The following LSM14A variants were observed in gnomAD, a reference collection of about 807,000 sequenced individuals.
LSM14A encodes the protein protein LSM14 homolog A.
LSM14A carries 14 observed loss-of-function variants against 52.4 expected under a neutral mutation model. The ratio of observed to expected loss-of-function variants is 0.27; its 90% CI spans 0.18 to 0.42. The LOEUF is 0.42. LSM14A is among the 10% of genes least tolerant of loss of function. The pLI is 1.00. For missense variants in LSM14A, 417 were observed against 581.8 expected, an observed-to-expected ratio of 0.72 and a Z score of 2.91; for synonymous variants, 185 against 200.3, an observed-to-expected ratio of 0.92 and a Z score of 0.64.
At chr19:34,173,709 T>C (rs1368050496) in intron 1 of LSM14A, among the ~76,000 whole-genome samples, 1 of 152,158 alleles carries the variant, frequency 6.6e-6, no homozygotes, top group East Asian at 1.9e-4. Context: ...CTCACAACAG[T>C]GTAAAATACT....
Position 34,208,968 on chromosome 19 carries a change from A to G in LSM14A, c.455A>G (p.Asn152Ser), listed in dbSNP as rs2071920473. The stretch of plus-strand genomic sequence containing the variant: ...ACATCCTTTGGAACAGAAACATCAA[A>G]CAGTGGTACCTTACCCCAAAGTAGT... ...SLTSFGTETS[N>S]SGTLPQSSAV... The change falls in exon 4 of 10, where the codon AAC becomes AGC. Residue 152 changes from asparagine to serine, a missense_variant. Physicochemically the swap from Asn to Ser is conservative, Grantham distance 46 (BLOSUM62 1). Coordinates refer to ENST00000544216, the MANE Select transcript of LSM14A (RefSeq NM_015578.4). 4.3e-6 allele frequency: 7 copies of G among 1,610,122 alleles called. No individual in the cohort carries two copies. The highest frequency in any genetic ancestry group is 5.9e-6 in the Non-Finnish European group (7 of 1,177,728).
At chr19:34,223,194 CCTCAGCCTCCTAT>C (rs1568503833) in intron 9 of LSM14A, among the ~76,000 whole-genome samples, 1 of 152,066 alleles carries the variant, frequency 6.6e-6, no homozygotes. Flanking sequence ...AGTCCTCCCA[CCTCAGCCTCCTAT>C]GTAGCTGGGA....
intron 1 of LSM14A, among the ~76,000 whole-genome samples, chr19:34,186,384 T>C (rs1418565071): frequency 6.6e-6 from 1 of 152,218 alleles, no homozygotes; most frequent in Non-Finnish European, 1.5e-5. Flanking sequence ...AGTTGGTAGA[T>C]TGTGAGTAGC....
intron 6 of LSM14A, among the ~76,000 whole-genome samples, chr19:34,217,723 G>A (rs1231392822): frequency 7.0e-5 from 10 of 141,912 alleles, no homozygotes; most frequent in Non-Finnish European, 1.2e-4. Flanking sequence ...TCCACCGCCC[G>A]GGTTCATGCC....
chr19:34,211,618 C>G (rs905467773), intron 4 of LSM14A, among the ~76,000 whole-genome samples: 3 of 152,116 alleles, frequency 2.0e-5, no homozygotes, highest in African/African-American at 7.2e-5. Flanking sequence ...GAAACTTCAT[C>G]TCTACCAAAA....
chr19:34,178,927 G>T (rs2069274650), intron 1 of LSM14A, among the ~76,000 whole-genome samples: 2 of 152,174 alleles, frequency 1.3e-5, no homozygotes, highest in South Asian at 2.1e-4. Context: ...TCCATTCAGG[G>T]TGTAGGAAGA....
intron 9 of LSM14A, among the ~76,000 whole-genome samples, chr19:34,223,562 A>G (rs1262605873): frequency 1.3e-5 from 2 of 152,218 alleles, no homozygotes; most frequent in African/African-American, 4.8e-5. Flanking sequence ...TATACTGCCC[A>G]GGCACTAGAG....
chr19:34,219,918 T>G (rs767406843), intron 8 of LSM14A, 41 bp downstream of exon 8: 1 of 1,420,856 alleles, frequency 7.0e-7, no homozygotes, highest in South Asian at 1.2e-5. Context: ...TGATATTGAT[T>G]GAAGTGTAAA....
rs866208565 is a variant in LSM14A, at chr19:34,217,630, T to G, written c.782-1761T>G. ...TCCCCCCCCCCCGTGTTTTTTTTTT[T>G]TTTTTTTTTTTTTTTGAGACAGAGT... On this transcript the variant is annotated intron_variant, in intron 6 of 9. Transcript: ENST00000544216. 7.7e-3 allele frequency among the ~76,000 whole-genome samples: 911 copies of G among 117,620 alleles called. 14 individuals are homozygous for G. Among genetic ancestry groups the G allele is most frequent in the African/African-American group, 0.019 (592 of 31,442 alleles). The allele number at this position is 117,620 out of a possible 152,430, so 77.2% of individuals were successfully genotyped here.
chr19:34,190,876 T>C (rs1307922743), intron 1 of LSM14A, among the ~76,000 whole-genome samples: 5 of 152,090 alleles, frequency 3.3e-5, no homozygotes, highest in African/African-American at 1.2e-4. Flanking sequence ...TAGTGGTCTG[T>C]TTTTTGTTTG....
chr19:34,223,431 A>G (rs1308532653), intron 9 of LSM14A, among the ~76,000 whole-genome samples: 1 of 152,108 alleles, frequency 6.6e-6, no homozygotes, highest in Non-Finnish European at 1.5e-5. Flanking sequence ...GTGTTTCTGC[A>G]CCGCATCTCT....
intron 3 of LSM14A, among the ~76,000 whole-genome samples, chr19:34,207,148 A>G (rs1021557012): frequency 6.6e-6 from 1 of 152,230 alleles, no homozygotes; most frequent in Non-Finnish European, 1.5e-5. Context: ...ATAAATTGGT[A>G]GTAGAATTGG....
chr19:34,217,015 A>C (rs1372862159), intron 6 of LSM14A, among the ~76,000 whole-genome samples: 2 of 152,142 alleles, frequency 1.3e-5, no homozygotes, highest in Non-Finnish European at 2.9e-5. Flanking sequence ...TAATCTCAGC[A>C]CTTTGGGACG....
intron 3 of LSM14A, among the ~76,000 whole-genome samples, chr19:34,202,118 T>C (rs1222096321): frequency 6.7e-6 from 1 of 148,330 alleles, no homozygotes; most frequent in Non-Finnish European, 1.5e-5. Context: ...ATTATTGCTT[T>C]TTAGTAAGTT....
At chr19:34,217,004 G>A (rs1438624882) in intron 6 of LSM14A, among the ~76,000 whole-genome samples, 1 of 152,178 alleles carries the variant, frequency 6.6e-6, no homozygotes, top group African/African-American at 2.4e-5. Flanking sequence ...GCTCACACCT[G>A]TAATCTCAGC....
intron 6 of LSM14A, among the ~76,000 whole-genome samples, chr19:34,216,764 T>A (rs1451221384): frequency 6.6e-6 from 1 of 152,156 alleles, no homozygotes; most frequent in Non-Finnish European, 1.5e-5. Context: ...AGCCAGGCAG[T>A]TATCTTTTAA....
chr19:34,220,126 C>T (rs2072951330), intron 8 of LSM14A, among the ~76,000 whole-genome samples: 1 of 152,006 alleles, frequency 6.6e-6, no homozygotes, highest in African/African-American at 2.4e-5. Context: ...ACCACCCCAC[C>T]CGGCTAATTT....
At chr19:34,201,341 TTAAA>T (rs1021304470) in intron 3 of LSM14A, among the ~76,000 whole-genome samples, 7 of 152,190 alleles carry the variant, frequency 4.6e-5, no homozygotes, top group African/African-American at 1.7e-4. Context: ...AGGAATTAAC[TTAAA>T]TTTAGCTTGT....
rs1170314635 is a variant in LSM14A, at chr19:34,201,637, A to T, written c.415+4874A>T. On this transcript the variant is annotated intron_variant, in intron 3 of 9. Coordinates refer to ENST00000544216, the MANE Select transcript of LSM14A (RefSeq NM_015578.4). ...ATTACAGGCGTGAGCCACCATGCCC[A>T]GCCAAATTTAGCTTTTGTTGGCACA... is the stretch of plus-strand genomic sequence containing the variant. Among the ~76,000 whole-genome samples the T allele has an allele frequency of 3.3e-5, 5 of 152,288 alleles. No homozygotes were observed. The East Asian group carries it at 9.7e-4, about 29-fold the overall frequency.
Sources: gnomAD v4.1 joint callset for allele counts (sites outside exome capture counted in the v4.1 genomes callset) on GRCh38, gnomAD v4.1.1 for gene constraint, MANE v1.5 for transcripts, NCBI Gene and HGNC (gene_info 2026-07-23, HGNC 2026-07-21) for gene names.